The following RBP5 variants were observed in gnomAD, a reference collection of about 807,000 sequenced individuals.
The protein encoded by RBP5 is retinol-binding protein 5.
A neutral mutation model predicts 17.8 loss-of-function variants in RBP5; 12 were observed. The observed-to-expected ratio is 0.67, with a 90% CI of 0.43 to 1.09. RBP5 has a LOEUF of 1.09. RBP5 is among the 50% of genes least tolerant of loss of function. The pLI is 0.00. For synonymous variants in RBP5, 64 were observed against 68.1 expected, an observed-to-expected ratio of 0.94 and a Z score of 0.30; for missense variants, 172 against 169.4, an observed-to-expected ratio of 1.02 and a Z score of -0.09.
chr12:7,127,806 G>A (rs762314761), intron 2 of RBP5: 34 of 678,130 alleles, frequency 5.0e-5, no homozygotes, highest in Non-Finnish European at 7.8e-5. Flanking sequence ...AAAACTCTGC[G>A]GAGAAAACTC....
At position 7,126,517 on chromosome 12, in the gene RBP5, GTGTGTGTGTGTGTGTGT is replaced by G. The variant is rs1939166657; in HGVS notation, c.252+1706_252+1722del. Among the ~76,000 whole-genome samples, 11 of 88,430 alleles carry G rather than the reference GTGTGTGTGTGTGTGTGT, an allele frequency of 1.2e-4. No individual in the cohort carries two copies. The South Asian group carries it at 1.6e-3, about 13-fold the overall frequency. The allele number at this position is 88,430 out of a possible 152,430, so 58.0% of individuals were successfully genotyped here. Reference sequence around the variant, plus strand: ...GGTGGTGGTGGTGGTGGTGGTGTGTGTGTGTGTGTGTGTGTGTGTGTGTGTGTGTGTGTGTGTGTGTG... The same window carrying G: ...GGTGGTGGTGGTGGTGGTGGTGTGTGGTGTGTGTGTGTGTGTGTGTGTGTG... On this transcript the variant is annotated intron_variant, in intron 2 of 3. Coordinates refer to ENST00000266560, the MANE Select transcript of RBP5 (RefSeq NM_031491.4).
chr12:7,116,802 C>G (rs1233374882), exon 4 of RBP5: 1 of 152,154 alleles, frequency 6.6e-6, no homozygotes, highest in Non-Finnish European at 1.5e-5. Context: ...ACCCCCCAAC[C>G]CCATTCTTCT....
At chr12:7,126,913 C>T in intron 2 of RBP5, among the ~76,000 whole-genome samples, 1 of 152,150 alleles carries the variant, frequency 6.6e-6, no homozygotes, top group African/African-American at 2.4e-5. Context: ...TCAAGTAATT[C>T]TCCTGCCTCA....
Position 7,128,482 on chromosome 12 carries a change from G to T in RBP5, c.74-64C>A. 6.6e-7 allele frequency: 1 copy of T among 1,522,954 alleles called. No homozygotes were observed. The highest frequency in any genetic ancestry group is 1.7e-5 in the Admixed American group (1 of 58,146). The allele number at this position is 1,522,954 out of a possible 1,614,324, so 94.3% of individuals were successfully genotyped here. ...GCCAGGAGCTCCTCTGCCTGCAGCAGCCCCTCAGGGCTGTGAGTTTCCCTT... is the reference window on the plus strand; with the variant it reads ...GCCAGGAGCTCCTCTGCCTGCAGCATCCCCTCAGGGCTGTGAGTTTCCCTT... On this transcript the variant is annotated intron_variant, in intron 1 of 3. Coordinates refer to ENST00000266560, the MANE Select transcript of RBP5 (RefSeq NM_031491.4). This position sits in a 1 kb window ranked among gnomAD's most constrained non-coding sequence, Gnocchi z 5.3.
At position 7,124,845 on chromosome 12, in the gene RBP5, GC is replaced by G. The variant is rs1291305400; in HGVS notation, c.253-116del. 3.0e-6 allele frequency: 2 copies of G among 658,524 alleles called. No homozygotes were observed. Among genetic ancestry groups the G allele is most frequent in the Non-Finnish European group, 5.6e-6 (2 of 359,992 alleles). The allele number at this position is 658,524 out of a possible 1,614,324, so 40.8% of individuals were successfully genotyped here. A position where few individuals can be genotyped will look rare whatever the true frequency, so the allele number is the denominator to read the frequency against. On this transcript the variant is annotated intron_variant, in intron 2 of 3. Transcript: ENST00000266560. The surrounding 1 kb of genome is among the most constrained non-coding windows in gnomAD (Gnocchi z 5.3). Reference sequence around the variant, plus strand: ...TCCACAGCAGATACTGTCTGCTGCAGCCCCTCCACTGAGCGAGGGAGCTGCT... The same window carrying G: ...TCCACAGCAGATACTGTCTGCTGCAGCCCTCCACTGAGCGAGGGAGCTGCT...
chr12:7,124,810 C>T lies in RBP5; in HGVS notation c.253-80G>A, dbSNP rs1041029109. ...TTCCCATCTCACTCTGAATGGGCTC[C>T]CCCTTTTACTCCACAGCAGATACTG... On this transcript the variant is annotated intron_variant, in intron 2 of 3. Transcript: ENST00000266560. This position sits in a 1 kb window ranked among gnomAD's most constrained non-coding sequence, Gnocchi z 5.3. 37 of 813,956 alleles carry T rather than the reference C, an allele frequency of 4.5e-5. No individual in the cohort carries two copies. Among genetic ancestry groups the T allele is most frequent in the Non-Finnish European group, 6.7e-5 (31 of 465,292 alleles). The allele number at this position is 813,956 out of a possible 1,614,324, so 50.4% of individuals were successfully genotyped here.
At chr12:7,121,716 T>G (rs1053763570), downstream of RBP5, 1 of 155,558 alleles carries the variant, frequency 6.4e-6, no homozygotes, top group African/African-American at 2.4e-5. Flanking sequence ...TTGCAGACTC[T>G]CAGGGACCAT....
At position 7,128,772 on chromosome 12, in the gene RBP5, G is replaced by A; in HGVS notation, c.4C>T (p.Pro2Ser). ...CGGTAGTAGCCAGTGAGGTTGGGAGGCATTGTGTGGATGAAGGTTTCAGGA... is the reference window on the plus strand; with the variant it reads ...CGGTAGTAGCCAGTGAGGTTGGGAGACATTGTGTGGATGAAGGTTTCAGGA... Reference protein sequence around the residue: MPPNLTGYYRFV... With the variant: MSPNLTGYYRFV... Residue 2 changes from proline to serine, a missense_variant, in exon 1 of 4, where the codon CCT (proline) becomes TCT (serine). By Grantham distance (74) the Pro-to-Ser change is moderately conservative (BLOSUM62 -1). Coordinates refer to ENST00000266560, the MANE Select transcript of RBP5 (RefSeq NM_031491.4). This position sits in a 1 kb window ranked among gnomAD's most constrained non-coding sequence, Gnocchi z 5.3. 1 of 1,599,184 alleles carries A rather than the reference G, an allele frequency of 6.3e-7. No homozygotes were observed.
At chr12:7,123,176 C>T (rs900182509), downstream of RBP5, among the ~76,000 whole-genome samples, 5 of 152,142 alleles carry the variant, frequency 3.3e-5, no homozygotes, top group Non-Finnish European at 7.4e-5. Flanking sequence ...CTGGCCTTGA[C>T]CCTGAGCCAG....
chr12:7,126,510 G>GGTGGGGTGT (rs751535528), intron 2 of RBP5, among the ~76,000 whole-genome samples: 3 of 131,024 alleles, frequency 2.3e-5, no homozygotes, highest in Non-Finnish European at 5.0e-5. Flanking sequence ...TGGTGGTGGT[G>GGTGGGGTGT]GTGTGTGTGT....
chr12:7,126,510 G>GGT lies in RBP5; in HGVS notation c.252+1728_252+1729dup, dbSNP rs780320410. Reference sequence around the variant, plus strand: ...TAGATGTGGTGGTGGTGGTGGTGGTGGTGTGTGTGTGTGTGTGTGTGTGTG... The same window carrying GGT: ...TAGATGTGGTGGTGGTGGTGGTGGTGGTGTGTGTGTGTGTGTGTGTGTGTGTG... On this transcript the variant is annotated intron_variant, in intron 2 of 3. Coordinates refer to ENST00000266560, the MANE Select transcript of RBP5 (RefSeq NM_031491.4). Among the ~76,000 whole-genome samples the GGT allele has an allele frequency of 5.7e-3, 745 of 131,054 alleles. 2 individuals carry two copies. Among genetic ancestry groups the GGT allele is most frequent in the Middle Eastern group, 0.015 (4 of 260 alleles). The allele number at this position is 131,054 out of a possible 152,430, so 86.0% of individuals were successfully genotyped here.
downstream of RBP5, chr12:7,118,809 C>T (rs1398765388): frequency 1.3e-5 from 2 of 152,074 alleles, no homozygotes; most frequent in African/African-American, 4.8e-5. Context: ...AGCACATATA[C>T]TCAAATTGGA....
At chr12:7,127,805 C>T (rs1289346329) in intron 2 of RBP5, 16 of 676,490 alleles carry the variant, frequency 2.4e-5, no homozygotes, top group African/African-American at 5.3e-5. Context: ...CAAAACTCTG[C>T]GGAGAAAACT....
chr12:7,129,946 TCAGGCTCAGACTGAGGGTTTTACTTCA>T, upstream of RBP5: 3 of 361,972 alleles, frequency 8.3e-6, no homozygotes, highest in Non-Finnish European at 1.2e-5. The surrounding 1 kb of genome is among the most constrained non-coding windows in gnomAD (Gnocchi z 5.5). Context: ...CCAGGATTTC[TCAGGCTCAGACTGAGGGTTTTACTTCA>T]CCCTTCCCAG....
At chr12:7,129,878 C>T (rs1939245759), upstream of RBP5, 1 of 915,462 alleles carries the variant, frequency 1.1e-6, no homozygotes, top group Non-Finnish European at 1.3e-6. This position sits in a 1 kb window ranked among gnomAD's most constrained non-coding sequence, Gnocchi z 5.5. Context: ...GGTCCCAGAG[C>T]CTCGATACCG....
intron 2 of RBP5, among the ~76,000 whole-genome samples, chr12:7,127,980 T>C (rs1939202795): frequency 6.6e-6 from 1 of 152,240 alleles, no homozygotes; most frequent in Non-Finnish European, 1.5e-5. Context: ...AAATGTTTGC[T>C]CTTCGGTCTG....
At chr12:7,115,804 C>T (rs1938998511) in exon 4 of RBP5, 2 of 152,242 alleles carry the variant, frequency 1.3e-5, no homozygotes, top group African/African-American at 4.8e-5. Context: ...ACTGGGAGGC[C>T]TCAGGAAGCT....
At chr12:7,123,527 A>G (rs778520014), downstream of RBP5, among the ~76,000 whole-genome samples, 6 of 152,168 alleles carry the variant, frequency 3.9e-5, no homozygotes, top group East Asian at 1.2e-3. Context: ...CTCATTCCCA[A>G]CACATAGGAT....
upstream of RBP5, chr12:7,128,937 C>A: frequency 1.5e-6 from 1 of 651,492 alleles, no homozygotes; most frequent in Admixed American, 2.2e-5. This position sits in a 1 kb window ranked among gnomAD's most constrained non-coding sequence, Gnocchi z 5.3. Flanking sequence ...GGCCCTGTTG[C>A]AATAAGAGTC....
Sources: gnomAD v4.1 joint callset for allele counts (sites outside exome capture counted in the v4.1 genomes callset) on GRCh38, gnomAD v4.1.1 for gene constraint, Gnocchi (gnomAD v3.1) non-coding constraint, MANE v1.5 for transcripts, NCBI Gene and HGNC (gene_info 2026-07-23, HGNC 2026-07-21) for gene names.